ZDHHC2: variants seen among roughly 807,000 people sequenced by gnomAD.
The protein encoded by ZDHHC2 is zDHHC palmitoyltransferase 2.
A neutral mutation model predicts 55.6 loss-of-function variants in ZDHHC2; 51 were observed. The observed-to-expected ratio is 0.92, with a 90% CI of 0.73 to 1.16. The LOEUF (loss-of-function observed/expected upper bound fraction) is 1.16. Among genes scored for constraint, ZDHHC2 ranks in the 50% most tolerant of loss-of-function variants. ZDHHC2 has a pLI of 0.00. For synonymous variants in ZDHHC2, 199 were observed against 152.9 expected, an observed-to-expected ratio of 1.30 and a Z score of -2.22; for missense variants, 491 against 442.4, an observed-to-expected ratio of 1.11 and a Z score of -0.99.
At chr8:17,217,918 C>T (rs1018161144) in intron 12 of ZDHHC2, among the ~76,000 whole-genome samples, 3 of 152,038 alleles carry the variant, frequency 2.0e-5, no homozygotes, top group African/African-American at 7.2e-5. Flanking sequence ...AACAGTTTAC[C>T]GAGCTGAATA....
chr8:17,182,130 A>G (rs781765831), intron 1 of ZDHHC2, among the ~76,000 whole-genome samples: 2 of 152,200 alleles, frequency 1.3e-5, no homozygotes, highest in African/African-American at 4.8e-5. Flanking sequence ...TTAATTTGCA[A>G]ACTTTGATAA....
intron 4 of ZDHHC2, among the ~76,000 whole-genome samples, chr8:17,195,852 C>T (rs970051048): frequency 1.3e-5 from 2 of 152,166 alleles, no homozygotes; most frequent in African/African-American, 4.8e-5. Flanking sequence ...GACTTTAATC[C>T]TGTTCTGCCT....
intron 1 of ZDHHC2, among the ~76,000 whole-genome samples, chr8:17,173,665 G>A (rs868541882): frequency 2.4e-4 from 34 of 140,368 alleles, no homozygotes; most frequent in Middle Eastern, 3.6e-3. Flanking sequence ...TTGAGAGACG[G>A]AAAAAGACCC....
rs929962053 is a variant in ZDHHC2, at chr8:17,221,695, A to C, written c.*1474A>C. On this transcript the variant is annotated 3_prime_UTR_variant, in exon 13 of 13. Transcript: ENST00000262096. The stretch of plus-strand genomic sequence containing the variant: ...TTATATTAATTGTGCTTATGGAAGA[A>C]ACAATGTCAGCCAAGTCCATTTTAT... 1 of 152,502 alleles carries C rather than the reference A, an allele frequency of 6.6e-6. No homozygotes were observed. The highest frequency in any genetic ancestry group is 1.5e-5 in the Non-Finnish European group (1 of 67,928). 9.4% of individuals were successfully genotyped at this position (152,502 alleles called of 1,614,324 possible). A position where few individuals can be genotyped will look rare whatever the true frequency, so the allele number is the denominator to read the frequency against.
At chr8:17,179,447 C>T (rs1418432580) in intron 1 of ZDHHC2, among the ~76,000 whole-genome samples, 1 of 152,110 alleles carries the variant, frequency 6.6e-6, no homozygotes, top group East Asian at 1.9e-4. Context: ...CTCACTCTAT[C>T]GCACAGGCTG....
At position 17,221,988 on chromosome 8, in the gene ZDHHC2, T is replaced by G. The variant is rs1175321145; in HGVS notation, c.*1767T>G. 13 of 150,324 alleles carry G rather than the reference T, an allele frequency of 8.6e-5. No individual in the cohort carries two copies. The highest frequency in any genetic ancestry group is 3.9e-4 in the East Asian group (2 of 5,172). 9.3% of individuals were successfully genotyped at this position (150,324 alleles called of 1,614,324 possible). ...TATATGAAGTCAGGTTTGTTTTTTT[T>G]TTTTTTTTTTTTTCAAAGCACAGTA... On this transcript the variant is annotated 3_prime_UTR_variant, in exon 13 of 13. Coordinates refer to ENST00000262096, the MANE Select transcript of ZDHHC2 (RefSeq NM_016353.5).
At chr8:17,163,057 T>C (rs1425277455) in intron 1 of ZDHHC2, among the ~76,000 whole-genome samples, 1 of 152,238 alleles carries the variant, frequency 6.6e-6, no homozygotes, top group Non-Finnish European at 1.5e-5. Context: ...ACTTTTACTC[T>C]GTCCAGGGCC....
At chr8:17,211,102 G>A (rs1279862417) in intron 10 of ZDHHC2, among the ~76,000 whole-genome samples, 1 of 152,150 alleles carries the variant, frequency 6.6e-6, no homozygotes, top group Non-Finnish European at 1.5e-5. Context: ...GCCAGAGAAA[G>A]ACCTGACATT....
At chr8:17,202,754 CAT>C (rs1380409306) in intron 6 of ZDHHC2, among the ~76,000 whole-genome samples, 5 of 150,678 alleles carry the variant, frequency 3.3e-5, no homozygotes, top group South Asian at 2.1e-4. Context: ...CACACACACA[CAT>C]ATACATGCAC....
intron 1 of ZDHHC2, among the ~76,000 whole-genome samples, chr8:17,173,786 TG>T (rs1185020035): frequency 3.9e-5 from 6 of 152,160 alleles, no homozygotes; most frequent in Non-Finnish European, 5.9e-5. Context: ...TTTTGGAGGA[TG>T]CTGCAAGCTA....
At chr8:17,185,918 G>A (rs1437166114) in intron 2 of ZDHHC2, among the ~76,000 whole-genome samples, 8 of 152,158 alleles carry the variant, frequency 5.3e-5, no homozygotes, top group Admixed American at 5.2e-4. Flanking sequence ...TCTCAAATAG[G>A]AACTGCCTTT....
At chr8:17,195,922 T>G (rs1171141441) in intron 4 of ZDHHC2, among the ~76,000 whole-genome samples, 1 of 152,204 alleles carries the variant, frequency 6.6e-6, no homozygotes, top group Non-Finnish European at 1.5e-5. Flanking sequence ...ATGGTAGTAC[T>G]CATGTTTAAG....
chr8:17,191,970 A>G (rs1170924578), intron 3 of ZDHHC2, among the ~76,000 whole-genome samples: 1 of 151,924 alleles, frequency 6.6e-6, no homozygotes, highest in Middle Eastern at 3.2e-3. Flanking sequence ...AGCATTTGTT[A>G]TTGCCTTTAT....
At chr8:17,186,482 A>C in intron 3 of ZDHHC2, 57 bp downstream of exon 3, 2 of 1,036,838 alleles carry the variant, frequency 1.9e-6, no homozygotes, top group Non-Finnish European at 2.7e-6. Flanking sequence ...ATACTGATGT[A>C]TTATTGAAGA....
intron 3 of ZDHHC2, 123 bp from the exon 4 acceptor site, chr8:17,195,381 T>C: frequency 8.7e-7 from 1 of 1,153,224 alleles, no homozygotes. Flanking sequence ...AACTCTATTG[T>C]CTCTTTGAAT....
In ZDHHC2 at chr8:17,201,825, A is replaced by G. The variant is rs189157519; in HGVS notation, c.476+3412A>G. ...CAGCTTTTTTATACAGGTATTTTAAACAGGTATTTTGAACCTTCATATCTG... is the reference window on the plus strand; with the variant it reads ...CAGCTTTTTTATACAGGTATTTTAAGCAGGTATTTTGAACCTTCATATCTG... On this transcript the variant is annotated intron_variant, in intron 6 of 12. Transcript: ENST00000262096. Among the ~76,000 whole-genome samples the G allele has an allele frequency of 2.2e-3, 341 of 151,942 alleles. 3 individuals are homozygous for G. Among genetic ancestry groups the G allele is most frequent in the African/African-American group, 7.7e-3 (319 of 41,468 alleles).
intron 3 of ZDHHC2, among the ~76,000 whole-genome samples, chr8:17,193,129 GA>G: frequency 6.6e-6 from 1 of 152,270 alleles, no homozygotes; most frequent in South Asian, 2.1e-4. Flanking sequence ...TTTTACTCAG[GA>G]TAGTTTTGGC....
At chr8:17,181,290 T>C (rs1805420823) in intron 1 of ZDHHC2, among the ~76,000 whole-genome samples, 1 of 152,236 alleles carries the variant, frequency 6.6e-6, no homozygotes, top group Non-Finnish European at 1.5e-5. Flanking sequence ...ATGCCAGTTC[T>C]TGTGCTTTAA....
In ZDHHC2 at chr8:17,223,933, A is replaced by T. The variant is rs781442340; in HGVS notation, c.*3712A>T. On this transcript the variant is annotated 3_prime_UTR_variant, in exon 13 of 13. Coordinates refer to ENST00000262096, the MANE Select transcript of ZDHHC2 (RefSeq NM_016353.5). ...CATCACTGAAAGGATGAAATCAAGT[A>T]GGCTTGTTTCAAAGAGACTCCTGTG... 12 of 151,786 alleles carry T rather than the reference A, an allele frequency of 7.9e-5. No homozygotes were observed. Among genetic ancestry groups the T allele is most frequent in the Non-Finnish European group, 1.2e-4 (8 of 67,750 alleles). The allele number at this position is 151,786 out of a possible 1,614,324, so 9.4% of individuals were successfully genotyped here. A position where few individuals can be genotyped will look rare whatever the true frequency, so the allele number is the denominator to read the frequency against.
Sources: allele counts gnomAD v4.1 joint callset (sites outside exome capture counted in the v4.1 genomes callset), GRCh38; gene constraint gnomAD v4.1.1; transcripts MANE v1.5; gene names NCBI Gene and HGNC (gene_info 2026-07-23, HGNC 2026-07-21).